The following UPF2 variants were observed in gnomAD, a reference collection of about 807,000 sequenced individuals.
UPF2 encodes UPF2 regulator of nonsense mediated mRNA decay.
UPF2 carries 17 observed loss-of-function variants against 141.4 expected under a neutral mutation model. The observed-to-expected ratio is 0.12, with a 90% CI of 0.08 to 0.18. The LOEUF is 0.18. UPF2 is among the 10% of genes least tolerant of loss of function. The probability of loss-of-function intolerance (pLI) is 1.00; values close to 1 mark genes in which losing one functional copy is unlikely to be tolerated. For missense variants in UPF2, 1,152 were observed against 1,515.9 expected, an observed-to-expected ratio of 0.76 and a Z score of 3.99; for synonymous variants, 540 against 498.0, an observed-to-expected ratio of 1.08 and a Z score of -1.12.
intron 21 of UPF2, among the ~76,000 whole-genome samples, chr10:11,927,105 C>T (rs574874642): frequency 2.0e-5 from 3 of 152,316 alleles, no homozygotes; most frequent in South Asian, 4.1e-4. Context: ...GGACCACAAC[C>T]GTGCAGGTAA....
intron 1 of UPF2, among the ~76,000 whole-genome samples, chr10:12,040,437 A>G (rs1834715936): frequency 6.6e-6 from 1 of 152,146 alleles, no homozygotes; most frequent in Non-Finnish European, 1.5e-5. Context: ...AACAAAAAAC[A>G]AAAAACAAAA....
chr10:11,964,447 T>A (rs150165187), intron 10 of UPF2, among the ~76,000 whole-genome samples: 3 of 152,218 alleles, frequency 2.0e-5, no homozygotes, highest in Non-Finnish European at 4.4e-5. Flanking sequence ...TTGGTCTATA[T>A]ATTTATTTTC....
intron 21 of UPF2, among the ~76,000 whole-genome samples, chr10:11,925,609 G>A (rs138645390): frequency 3.3e-5 from 5 of 152,332 alleles, no homozygotes; most frequent in African/African-American, 1.2e-4. Context: ...CAAGCTAAGC[G>A]GCACTTAAGG....
chr10:12,020,493 C>G (rs116851077), intron 3 of UPF2, among the ~76,000 whole-genome samples: 1 of 152,038 alleles, frequency 6.6e-6, no homozygotes, highest in African/African-American at 2.4e-5. Context: ...TCAGGTGATC[C>G]GCCAGCCTCA....
intron 20 of UPF2, 28 bp from the exon 21 acceptor site, chr10:11,930,013 G>A: frequency 2.5e-6 from 4 of 1,613,920 alleles, no homozygotes; most frequent in Non-Finnish European, 3.4e-6. Flanking sequence ...AAAAGAGAAT[G>A]CTGTTAACTC....
At chr10:12,001,645 A>T in intron 6 of UPF2, 31 bp downstream of exon 6, 1 of 1,571,996 alleles carries the variant, frequency 6.4e-7, no homozygotes, top group Non-Finnish European at 8.6e-7. Flanking sequence ...AAAACCAATT[A>T]AAAATGAAAG....
intron 2 of UPF2, among the ~76,000 whole-genome samples, chr10:12,031,787 G>A (rs550052021): frequency 9.2e-5 from 14 of 152,100 alleles, no homozygotes; most frequent in African/African-American, 3.4e-4. Flanking sequence ...AAAGTTATAC[G>A]CATATCTATA....
chr10:11,946,223 C>T (rs1832998130), intron 16 of UPF2, among the ~76,000 whole-genome samples: 1 of 152,138 alleles, frequency 6.6e-6, no homozygotes, highest in Admixed American at 6.5e-5. Context: ...ATTTGTTATG[C>T]AGTTAAACCA....
At chr10:11,951,731 T>A (rs1833077740) in intron 15 of UPF2, among the ~76,000 whole-genome samples, 1 of 152,062 alleles carries the variant, frequency 6.6e-6, no homozygotes, top group South Asian at 2.1e-4. Flanking sequence ...TACGCAAAAA[T>A]AAGAAATGCT....
chr10:12,033,501 C>A (rs941048598), intron 2 of UPF2, among the ~76,000 whole-genome samples: 3 of 152,144 alleles, frequency 2.0e-5, no homozygotes, highest in African/African-American at 7.2e-5. Flanking sequence ...CCACTACACT[C>A]CAGCCTGGCT....
chr10:12,023,209 A>G (rs889403942), intron 3 of UPF2, among the ~76,000 whole-genome samples: 2 of 152,202 alleles, frequency 1.3e-5, no homozygotes, highest in Non-Finnish European at 2.9e-5. Context: ...ATAATATTTC[A>G]AAGTACAAAG....
rs186463565 is a variant in UPF2 at position 12,010,200 on chromosome 10, C to T, written c.1306+3824G>A. 1.9e-3 allele frequency among the ~76,000 whole-genome samples: 291 copies of T among 152,178 alleles called. 1 individual carries two copies. The highest frequency in any genetic ancestry group is 8.0e-3 in the Admixed American group (123 of 15,284). ...ACGCTTAATGATATTTATAAGAATA[C>T]AAAAATATCCAGGACACATCCAATA... On this transcript the variant is annotated intron_variant, in intron 4 of 21. Transcript: ENST00000357604.
chr10:11,930,031 T>C, intron 20 of UPF2, 46 bp from the exon 21 acceptor site: 2 of 1,613,146 alleles, frequency 1.2e-6, no homozygotes. Context: ...CTCTTAGAAA[T>C]GTACTCCTCC....
intron 8 of UPF2, among the ~76,000 whole-genome samples, chr10:11,986,075 G>A (rs910472390): frequency 2.4e-4 from 37 of 151,258 alleles, no homozygotes; most frequent in Admixed American, 9.2e-4. Context: ...TAGTAGAGAC[G>A]GGGTTTCACC....
At chr10:12,001,589 A>T (rs1833953401) in intron 6 of UPF2, 87 bp downstream of exon 6, 1 of 1,286,488 alleles carries the variant, frequency 7.8e-7, no homozygotes. Context: ...AAAATACAGA[A>T]TTAAGGAGAA....
intron 11 of UPF2, among the ~76,000 whole-genome samples, chr10:11,962,344 T>C (rs1350718489): frequency 6.6e-6 from 1 of 152,182 alleles, no homozygotes; most frequent in Non-Finnish European, 1.5e-5. Flanking sequence ...TCATCATCTG[T>C]TCCCTCCCCT....
rs963091988 is a variant in UPF2, at chr10:12,038,644, G to A, written c.-18-3203C>T. On this transcript the variant is annotated intron_variant, in intron 1 of 21. Transcript: ENST00000357604. ...CTCGGGAGGCTGAAGCAAGAGAATC[G>A]CTTGAACCCGGGAGGCGGAGGCTGC... Among the ~76,000 whole-genome samples, 6 of 151,540 alleles carry A rather than the reference G, an allele frequency of 4.0e-5. No homozygotes were observed. In the East Asian group the frequency reaches 5.8e-4, roughly 15 times the overall value.
chr10:12,005,090 C>T (rs2131271685), intron 4 of UPF2, among the ~76,000 whole-genome samples: 1 of 134,212 alleles, frequency 7.5e-6, no homozygotes, highest in East Asian at 2.2e-4. Context: ...CGTTTAAAGT[C>T]CCACCTCCCC....
intron 14 of UPF2, among the ~76,000 whole-genome samples, chr10:11,954,896 A>T (rs1345484343): frequency 1.3e-4 from 19 of 151,280 alleles, no homozygotes; most frequent in Admixed American, 1.3e-3. Flanking sequence ...TAACAAATGT[A>T]TTACAAATCA....
Sources: allele counts gnomAD v4.1 joint callset (sites outside exome capture counted in the v4.1 genomes callset), GRCh38; gene constraint gnomAD v4.1.1; transcripts MANE v1.5; gene names NCBI Gene and HGNC (gene_info 2026-07-23, HGNC 2026-07-21).